Variants in SPOCK3 observed in about 807,000 individuals in gnomAD.
SPOCK3 encodes SPARC (osteonectin), cwcv and kazal like domains proteoglycan 3, also known as testican-3.
In SPOCK3, 30 loss-of-function variants were observed where a neutral mutation model predicts 56.6. That is an observed-to-expected ratio of 0.53 (90% CI 0.40 to 0.72). The LOEUF (loss-of-function observed/expected upper bound fraction) is 0.72, where lower values mean the gene tolerates loss of function less well. SPOCK3 is among the 30% of genes least tolerant of loss of function. SPOCK3 has a pLI of 0.00. For missense variants in SPOCK3, 527 were observed against 530.0 expected, an observed-to-expected ratio of 0.99 and a Z score of 0.06; for synonymous variants, 196 against 183.3, an observed-to-expected ratio of 1.07 and a Z score of -0.56.
intron 6 of SPOCK3, among the ~76,000 whole-genome samples, chr4:166,856,345 C>T (rs1019758643): frequency 2.0e-5 from 3 of 152,074 alleles, no homozygotes; most frequent in Admixed American, 6.5e-5. Flanking sequence ...TTTGAATGGT[C>T]TTACCACAAA....
At chr4:167,001,961 AT>A (rs1469162944) in intron 3 of SPOCK3, among the ~76,000 whole-genome samples, 1 of 143,140 alleles carries the variant, frequency 7.0e-6, no homozygotes, top group African/African-American at 3.0e-5. Context: ...ATTTTATTAT[AT>A]TTTATTTTAT....
intron 4 of SPOCK3, among the ~76,000 whole-genome samples, chr4:166,980,045 A>G (rs1158944796): frequency 1.3e-5 from 2 of 152,082 alleles, no homozygotes; most frequent in Non-Finnish European, 2.9e-5. Context: ...GATGACTTCT[A>G]TTTAGTTTTC....
chr4:167,178,471 A>G (rs1478843173), intron 2 of SPOCK3, among the ~76,000 whole-genome samples: 1 of 152,158 alleles, frequency 6.6e-6, no homozygotes, highest in Non-Finnish European at 1.5e-5. Flanking sequence ...CCTTTAATCA[A>G]GTCACCAAAC....
chr4:167,174,814 C>G (rs958751465), intron 2 of SPOCK3, among the ~76,000 whole-genome samples: 3 of 152,128 alleles, frequency 2.0e-5, no homozygotes, highest in African/African-American at 7.2e-5. Flanking sequence ...AGTGCGCGTG[C>G]ACACGCACAC....
rs56284627 is a variant in SPOCK3, at chr4:167,065,037, C to CAAAAAAAAAAAAAAAAAAAA, written c.190-2520_190-2501dup. 3.3e-3 allele frequency among the ~76,000 whole-genome samples: 214 copies of CAAAAAAAAAAAAAAAAAAAA among 64,020 alleles called. 5 individuals are homozygous for CAAAAAAAAAAAAAAAAAAAA. The highest frequency in any genetic ancestry group is 3.9e-3 in the African/African-American group (50 of 12,684). The allele number at this position is 64,020 out of a possible 152,430, so 42.0% of individuals were successfully genotyped here. The stretch of plus-strand genomic sequence containing the variant: ...CTATTTTCAAATCCAATGCCCTCTC[C>CAAAAAAAAAAAAAAAAAAAA]AAAAAAAAAAAAAAAAAAAAAAAGT... On this transcript the variant is annotated intron_variant, in intron 2 of 10. Coordinates refer to ENST00000357545, the MANE Select transcript of SPOCK3 (RefSeq NM_001040159.2).
intron 6 of SPOCK3, among the ~76,000 whole-genome samples, chr4:166,836,949 G>T (rs1420280904): frequency 6.6e-6 from 1 of 152,086 alleles, no homozygotes; most frequent in Non-Finnish European, 1.5e-5. Context: ...TTGCTACTTG[G>T]CTATCAATTC....
intron 6 of SPOCK3, among the ~76,000 whole-genome samples, chr4:166,827,891 G>A (rs1365838004): frequency 6.6e-6 from 1 of 150,630 alleles, no homozygotes; most frequent in Non-Finnish European, 1.5e-5. Context: ...ACCACATTAT[G>A]AGGACATATG....
At position 167,119,939 on chromosome 4, in the gene SPOCK3, C is replaced by A. The variant is rs1371267525; in HGVS notation, c.190-57402G>T. ...AAGAAAGAAAGAAAAGAATAAACCC[C>A]TTTCTGATGAAAATAGCTACATTTA... On this transcript the variant is annotated intron_variant, in intron 2 of 10. Transcript: ENST00000357545. 3.7e-6 allele frequency: 4 copies of A among 1,078,362 alleles called. No individual in the cohort carries two copies. In the African/African-American group the frequency reaches 6.4e-5, roughly 17 times the overall value. The allele number at this position is 1,078,362 out of a possible 1,614,324, so 66.8% of individuals were successfully genotyped here.
Position 166,987,267 on chromosome 4 carries a change from T to C in SPOCK3, c.350+13082A>G, listed in dbSNP as rs185292097. Among the ~76,000 whole-genome samples the C allele has an allele frequency of 2.6e-5, 4 of 152,304 alleles. No individual in the cohort carries two copies. The East Asian group carries it at 7.7e-4, about 29-fold the overall frequency. On this transcript the variant is annotated intron_variant, in intron 4 of 10. Coordinates refer to ENST00000357545, the MANE Select transcript of SPOCK3 (RefSeq NM_001040159.2). ...CAAGATCTTTGCAATCTCTGTTCCC[T>C]GTGTCTGGCTCACTCTTGCCTGATA...
intron 8 of SPOCK3, among the ~76,000 whole-genome samples, chr4:166,746,382 T>C (rs960130475): frequency 2.0e-5 from 3 of 150,576 alleles, no homozygotes; most frequent in Middle Eastern, 3.2e-3. Flanking sequence ...AACCTGCTCC[T>C]TACTGGGTAC....
At chr4:167,129,182 T>C (rs1408964060) in intron 2 of SPOCK3, among the ~76,000 whole-genome samples, 2 of 152,208 alleles carry the variant, frequency 1.3e-5, no homozygotes, top group African/African-American at 4.8e-5. Flanking sequence ...ATGCAGATTC[T>C]CAAGTCCTGC....
At chr4:166,803,243 T>C (rs931815349) in intron 6 of SPOCK3, among the ~76,000 whole-genome samples, 9 of 152,186 alleles carry the variant, frequency 5.9e-5, no homozygotes, top group African/African-American at 4.8e-5. Context: ...ACAATTTCTA[T>C]AGCCATTAAA....
chr4:166,762,524 C>A (rs1447632522), intron 7 of SPOCK3, among the ~76,000 whole-genome samples: 2 of 151,690 alleles, frequency 1.3e-5, no homozygotes, highest in Non-Finnish European at 1.5e-5. Flanking sequence ...AGATGAAAGA[C>A]AAAAACTTCT....
rs756951898 is a variant in SPOCK3 at position 166,734,963 on chromosome 4, C to T, written c.1260G>A (p.Gly420=). 5 of 1,518,074 alleles carry T rather than the reference C, an allele frequency of 3.3e-6. No homozygotes were observed. The highest frequency in any genetic ancestry group is 1.7e-5 in the Admixed American group (1 of 59,178). 94.0% of individuals were successfully genotyped at this position (1,518,074 alleles called of 1,614,324 possible). ...DEIEDDDEDE[G]DDDDGGDDHD... ...GGTCATCACCACCATCATCATCATC[C>T]CCTTCATCTTCATCATCATCTTCAA... is the stretch of plus-strand genomic sequence containing the variant. The change falls in exon 11 of 11, where the codon GGG becomes GGA. Residue 420 remains glycine, a synonymous_variant. Coordinates refer to ENST00000357545, the MANE Select transcript of SPOCK3 (RefSeq NM_001040159.2).
intron 4 of SPOCK3, among the ~76,000 whole-genome samples, chr4:166,917,783 T>C (rs1184574082): frequency 3.3e-5 from 5 of 152,088 alleles, no homozygotes; most frequent in Non-Finnish European, 2.9e-5. Flanking sequence ...TCCCTAGCCA[T>C]GTGAAACTGT....
At chr4:167,108,723 A>G (rs1304151734) in intron 2 of SPOCK3, among the ~76,000 whole-genome samples, 1 of 151,440 alleles carries the variant, frequency 6.6e-6, no homozygotes, top group South Asian at 2.1e-4. Flanking sequence ...TTAGAAAGAC[A>G]GGTAGAAAAC....
In SPOCK3 at chr4:167,205,208, T is replaced by A. The variant is rs867160352; in HGVS notation, c.189+28777A>T. Among the ~76,000 whole-genome samples the A allele has an allele frequency of 6.4e-3, 633 of 98,506 alleles. 22 individuals carry two copies. The highest frequency in any genetic ancestry group is 0.025 in the African/African-American group (592 of 23,718). The allele number at this position is 98,506 out of a possible 152,430, so 64.6% of individuals were successfully genotyped here. On this transcript the variant is annotated intron_variant, in intron 2 of 10. Transcript: ENST00000357545. ...AGATATTTTATATCTATAATATATA[T>A]TATATATTATATATTTTATATCTAT...
At chr4:166,986,645 G>A (rs1561087837) in intron 4 of SPOCK3, among the ~76,000 whole-genome samples, 1 of 152,018 alleles carries the variant, frequency 6.6e-6, no homozygotes, top group Admixed American at 6.6e-5. Flanking sequence ...ACCACCAAGT[G>A]AAGTGGGAAA....
chr4:166,735,929 T>A (rs1241128568), intron 10 of SPOCK3, among the ~76,000 whole-genome samples: 4 of 133,880 alleles, frequency 3.0e-5, no homozygotes, highest in African/African-American at 1.1e-4. Flanking sequence ...CAAAATATTT[T>A]AAAAATAACT....
Sources: allele counts gnomAD v4.1 joint callset (sites outside exome capture counted in the v4.1 genomes callset), GRCh38; gene constraint gnomAD v4.1.1; transcripts MANE v1.5; gene names NCBI Gene and HGNC (gene_info 2026-07-23, HGNC 2026-07-21).